TENT2: variants seen among roughly 807,000 people sequenced by gnomAD.
TENT2 encodes poly(A) RNA polymerase GLD2.
A neutral mutation model predicts 72.2 loss-of-function variants in TENT2; 44 were observed. The ratio of observed to expected loss-of-function variants is 0.61; its 90% CI spans 0.48 to 0.78. The LOEUF (loss-of-function observed/expected upper bound fraction) is 0.78. TENT2 is among the 30% of genes least tolerant of loss of function. TENT2 has a pLI of 0.00. For synonymous variants in TENT2, 212 were observed against 192.5 expected (o/e 1.10, Z -0.84); for missense variants, 541 against 569.6 (o/e 0.95, Z 0.51).
chr5:79,638,911 C>T (rs1782297274), intron 4 of TENT2, among the ~76,000 whole-genome samples: 1 of 152,168 alleles, frequency 6.6e-6, no homozygotes, highest in African/African-American at 2.4e-5. Context: ...CCCAGAATGC[C>T]TCTGCCTTCT....
rs1787849570 is a variant in TENT2, at chr5:79,645,197, ATAAT to A, written c.821+10_821+13del. The A allele has an allele frequency of 1.2e-6, 2 of 1,600,770 alleles. No individual in the cohort carries two copies. Among genetic ancestry groups the A allele is most frequent in the East Asian group, 4.5e-5 (2 of 44,324 alleles). On this transcript the variant is annotated splice_donor_region_variant and intron_variant, in intron 8 of 14. Coordinates refer to ENST00000453514, the MANE Select transcript of TENT2 (RefSeq NM_001114394.3). ...GAAGTTCAGGGATAAAGTCAGGTAAATAATTAATGAGCTTTCTTTTTTTAGTTCC... is the reference window on the plus strand; with the variant it reads ...GAAGTTCAGGGATAAAGTCAGGTAAATAATGAGCTTTCTTTTTTTAGTTCC...
intron 8 of TENT2, among the ~76,000 whole-genome samples, chr5:79,646,508 C>T (rs528692187): frequency 3.9e-5 from 6 of 152,254 alleles, no homozygotes; most frequent in African/African-American, 1.2e-4. Flanking sequence ...ATATTTTAAA[C>T]AAACTTTAAT....
intron 4 of TENT2, among the ~76,000 whole-genome samples, chr5:79,632,445 T>C (rs921282232): frequency 6.6e-6 from 1 of 152,200 alleles, no homozygotes; most frequent in African/African-American, 2.4e-5. Context: ...TATGGTTTTC[T>C]GCACAAAAAT....
At chr5:79,625,637 A>C (rs1580227344) in intron 4 of TENT2, among the ~76,000 whole-genome samples, 1 of 152,110 alleles carries the variant, frequency 6.6e-6, no homozygotes, top group East Asian at 1.9e-4. Flanking sequence ...ATATGATGTA[A>C]AGTAGGGGGT....
chr5:79,683,644 G>A (rs937619479), intron 14 of TENT2, among the ~76,000 whole-genome samples: 18 of 151,974 alleles, frequency 1.2e-4, no homozygotes, highest in African/African-American at 1.9e-4. Context: ...GGCCGGGCGC[G>A]GTGGCTCACG....
chr5:79,630,028 G>A (rs55928118), intron 4 of TENT2, among the ~76,000 whole-genome samples: 55 of 152,258 alleles, frequency 3.6e-4, no homozygotes, highest in Admixed American at 8.5e-4. Context: ...CCAGCAACTC[G>A]GGAGGCTGAG....
intron 10 of TENT2, among the ~76,000 whole-genome samples, chr5:79,652,974 A>G (rs1795291879): frequency 6.6e-6 from 1 of 152,018 alleles, no homozygotes; most frequent in Non-Finnish European, 1.5e-5. Context: ...TATAAAATAT[A>G]AAAAATATGT....
In TENT2 at chr5:79,645,201, T is replaced by A; in HGVS notation, c.821+9T>A. ...TTCAGGGATAAAGTCAGGTAAATAA[T>A]TAATGAGCTTTCTTTTTTTAGTTCC... On this transcript the variant is annotated intron_variant, in intron 8 of 14. Coordinates refer to ENST00000453514, the MANE Select transcript of TENT2 (RefSeq NM_001114394.3). 1 of 1,596,258 alleles carries A rather than the reference T, an allele frequency of 6.3e-7. No individual in the cohort carries two copies. The highest frequency in any genetic ancestry group is 8.5e-7 in the Non-Finnish European group (1 of 1,172,426).
At chr5:79,628,817 C>T (rs1038540613) in intron 4 of TENT2, among the ~76,000 whole-genome samples, 1 of 152,182 alleles carries the variant, frequency 6.6e-6, no homozygotes, top group African/African-American at 2.4e-5. Context: ...ACAGACTACT[C>T]AAAACCTAAA....
In TENT2 at chr5:79,649,134, G is replaced by T. The variant is rs1791508021; in HGVS notation, c.971G>T (p.Ser324Ile). The change falls in exon 10 of 15, where the codon AGT becomes ATT. Residue 324 changes from serine to isoleucine, a missense_variant. Ser to Ile is a moderately radical substitution (Grantham distance 142). Coordinates refer to ENST00000453514, the MANE Select transcript of TENT2 (RefSeq NM_001114394.3). ...AGTCACCATCAGATAAATGATGCCA[G>T]TCGTGGTACTTTAAGCAGCTATAGT... ...WASHHQINDA[S>I]RGTLSSYSLV... The T allele has an allele frequency of 6.2e-7, 1 of 1,613,454 alleles. No homozygotes were observed. Among genetic ancestry groups the T allele is most frequent in the Non-Finnish European group, 8.5e-7 (1 of 1,179,640 alleles).
chr5:79,622,615 A>G (rs973216907), intron 3 of TENT2, among the ~76,000 whole-genome samples: 2 of 152,174 alleles, frequency 1.3e-5, no homozygotes, highest in Admixed American at 1.3e-4. Flanking sequence ...TATGAAAGAA[A>G]GTTGTTGACA....
intron 1 of TENT2, 116 bp downstream of exon 1, chr5:79,613,191 GT>G (rs1392444914): frequency 6.6e-6 from 1 of 152,230 alleles, no homozygotes; most frequent in Non-Finnish European, 1.5e-5. Context: ...GGTTAAGACT[GT>G]TGTGTGCGTT....
intron 11 of TENT2, among the ~76,000 whole-genome samples, chr5:79,668,013 C>T (rs972003379): frequency 3.3e-5 from 5 of 150,990 alleles, no homozygotes; most frequent in South Asian, 2.1e-4. Context: ...TCCTTGATGG[C>T]ACTGTGCAAA....
intron 1 of TENT2, among the ~76,000 whole-genome samples, chr5:79,615,398 G>A (rs1371839793): frequency 6.6e-6 from 1 of 152,104 alleles, no homozygotes; most frequent in African/African-American, 2.4e-5. Context: ...TAGGCTTTTT[G>A]CTATGAACCG....
chr5:79,641,686 CTA>C (rs1315191132), intron 6 of TENT2, among the ~76,000 whole-genome samples: 1 of 149,686 alleles, frequency 6.7e-6, no homozygotes, highest in Non-Finnish European at 1.5e-5. Context: ...ATATTTTTCT[CTA>C]TGAATGACAT....
At chr5:79,632,316 A>T (rs919001698) in intron 4 of TENT2, among the ~76,000 whole-genome samples, 1 of 152,072 alleles carries the variant, frequency 6.6e-6, no homozygotes, top group Non-Finnish European at 1.5e-5. Context: ...CTGAGTTTAA[A>T]TTTTTTCATG....
chr5:79,678,400 T>C (rs2150890395), intron 12 of TENT2, among the ~76,000 whole-genome samples: 2 of 152,274 alleles, frequency 1.3e-5, no homozygotes, highest in East Asian at 3.9e-4. Flanking sequence ...CTCTGCTTGC[T>C]TAAATGGTAG....
intron 4 of TENT2, among the ~76,000 whole-genome samples, chr5:79,633,262 A>T (rs190220512): frequency 6.6e-6 from 1 of 152,250 alleles, no homozygotes; most frequent in Admixed American, 6.5e-5. Flanking sequence ...AGAAATTGCC[A>T]GTTTTTATTG....
chr5:79,634,582 G>GCC (rs1167728348), intron 4 of TENT2, among the ~76,000 whole-genome samples: 1 of 152,030 alleles, frequency 6.6e-6, no homozygotes, highest in Non-Finnish European at 1.5e-5. Context: ...CAAGTGATCT[G>GCC]CCCGCCTTGG....
Sources: gnomAD v4.1 joint callset for allele counts (sites outside exome capture counted in the v4.1 genomes callset) on GRCh38, gnomAD v4.1.1 for gene constraint, MANE v1.5 for transcripts, NCBI Gene and HGNC (gene_info 2026-07-23, HGNC 2026-07-21) for gene names.